The following CSNK2A2IP variants were observed in gnomAD, a reference collection of about 807,000 sequenced individuals.
CSNK2A2IP encodes casein kinase II subunit alpha'-interacting protein.
the CSNK2A2IP span, among the ~76,000 whole-genome samples, chr3:88,422,569 G>C: frequency 6.6e-6 from 1 of 152,160 alleles, no homozygotes; most frequent in South Asian, 2.1e-4. Context: ...TCTTAATATA[G>C]TTTACTACAA....
At chr3:88,463,275 G>A in the CSNK2A2IP span, among the ~76,000 whole-genome samples, 12 of 135,892 alleles carry the variant, frequency 8.8e-5, no homozygotes, top group Non-Finnish European at 1.7e-4. Context: ...TTTGTATCAT[G>A]TATCTTTATT....
At chr3:88,449,874 T>TGG in the CSNK2A2IP span, among the ~76,000 whole-genome samples, 163 of 70,090 alleles carry the variant, frequency 2.3e-3, 1 homozygote, top group African/African-American at 7.2e-3. Context: ...TATATATATA[T>TGG]AGAGAGAGAG....
the CSNK2A2IP span, among the ~76,000 whole-genome samples, chr3:88,365,668 C>T: frequency 6.6e-6 from 1 of 152,068 alleles, no homozygotes; most frequent in African/African-American, 2.4e-5. Flanking sequence ...TTATGCAGTG[C>T]CCCTTTTGGC....
At chr3:88,349,978 A>G in the CSNK2A2IP span, among the ~76,000 whole-genome samples, 1 of 152,208 alleles carries the variant, frequency 6.6e-6, no homozygotes, top group South Asian at 2.1e-4. Flanking sequence ...ACAAGGCTGC[A>G]CTTTTGTTTC....
the CSNK2A2IP span, among the ~76,000 whole-genome samples, chr3:88,370,584 C>CTT: frequency 7.6e-6 from 1 of 132,346 alleles, no homozygotes; most frequent in African/African-American, 2.6e-5. Context: ...TTCTTTCTCT[C>CTT]TCTCTTTCTT....
At chr3:88,399,626 G>A in the CSNK2A2IP span, 1 of 152,228 alleles carries the variant, frequency 6.6e-6, no homozygotes, top group Non-Finnish European at 1.5e-5. Context: ...AAATATGGCA[G>A]GCACACAGGC....
At chr3:88,466,827 T>G in the CSNK2A2IP span, 2 of 949,684 alleles carry the variant, frequency 2.1e-6, no homozygotes, top group Non-Finnish European at 2.7e-6. Context: ...GTAACCATCT[T>G]AGAGGAAAGA....
the CSNK2A2IP span, among the ~76,000 whole-genome samples, chr3:88,373,709 GTTAA>G: frequency 6.7e-6 from 1 of 150,016 alleles, no homozygotes; most frequent in Non-Finnish European, 1.5e-5. Context: ...AAAGCCAAAA[GTTAA>G]TTATTTTCAA....
At chr3:88,396,530 G>C in the CSNK2A2IP span, among the ~76,000 whole-genome samples, 1 of 152,194 alleles carries the variant, frequency 6.6e-6, no homozygotes, top group African/African-American at 2.4e-5. Flanking sequence ...CTAGGTTAGC[G>C]AGGAGTGAAG....
chr3:88,404,299 T>C, the CSNK2A2IP span, among the ~76,000 whole-genome samples: 1 of 152,072 alleles, frequency 6.6e-6, no homozygotes, highest in East Asian at 1.9e-4. Flanking sequence ...TGCAAAATTT[T>C]CCTGTGCCAA....
chr3:88,426,838 T>A, the CSNK2A2IP span, among the ~76,000 whole-genome samples: 1 of 148,486 alleles, frequency 6.7e-6, no homozygotes, highest in African/African-American at 2.5e-5. Context: ...AGGTATTGCT[T>A]TATTAGCAGT....
the CSNK2A2IP span, among the ~76,000 whole-genome samples, chr3:88,418,463 T>TGTGCGCGCGC: frequency 0.063 from 9,471 of 149,498 alleles, 335 homozygotes; most frequent in Middle Eastern, 0.089. Flanking sequence ...TGTGTGTGTG[T>TGTGCGCGCGC]GCGCGCGGGC....
chr3:88,359,894 G>A, the CSNK2A2IP span, among the ~76,000 whole-genome samples: 1 of 152,080 alleles, frequency 6.6e-6, no homozygotes, highest in Non-Finnish European at 1.5e-5. Flanking sequence ...GGTCTATAGT[G>A]CAGGTTAAGT....
chr3:88,377,962 A>G, the CSNK2A2IP span, among the ~76,000 whole-genome samples: 154 of 152,060 alleles, frequency 1.0e-3, no homozygotes, highest in African/African-American at 3.4e-3. Context: ...TTATGTGCTA[A>G]TGAGATATGA....
At chr3:88,402,289 A>G in the CSNK2A2IP span, among the ~76,000 whole-genome samples, 2 of 152,226 alleles carry the variant, frequency 1.3e-5, no homozygotes, top group South Asian at 4.1e-4. Flanking sequence ...TTGTGAGAAT[A>G]TAGAATAAAG....
chr3:88,404,893 G>A, the CSNK2A2IP span, among the ~76,000 whole-genome samples: 1 of 151,980 alleles, frequency 6.6e-6, no homozygotes, highest in Non-Finnish European at 1.5e-5. Flanking sequence ...TCCAGTTTTA[G>A]CAAGAACCTT....
chr3:88,368,847 GC>G, the CSNK2A2IP span, among the ~76,000 whole-genome samples: 1 of 152,032 alleles, frequency 6.6e-6, no homozygotes, highest in Admixed American at 6.6e-5. Flanking sequence ...AGTTTAGAGG[GC>G]AAGAAAGTTG....
chr3:88,379,959 A>C, the CSNK2A2IP span, among the ~76,000 whole-genome samples: 1 of 152,168 alleles, frequency 6.6e-6, no homozygotes, highest in Admixed American at 6.6e-5. Context: ...GGTATCATTT[A>C]TTATGGCCAC....
chr3:88,440,360 A>G, the CSNK2A2IP span, among the ~76,000 whole-genome samples: 3 of 152,182 alleles, frequency 2.0e-5, no homozygotes, highest in Non-Finnish European at 2.9e-5. Context: ...TTGGTAACAT[A>G]CAATAGCTTA....
Sources: allele counts gnomAD v4.1 joint callset (sites outside exome capture counted in the v4.1 genomes callset), GRCh38; gene constraint gnomAD v4.1.1; transcripts MANE v1.5; gene names NCBI Gene and HGNC (gene_info 2026-07-23, HGNC 2026-07-21).